The following SCAPER variants were observed in gnomAD, a reference collection of about 807,000 sequenced individuals.
SCAPER encodes the protein S phase cyclin A-associated protein in the endoplasmic reticulum.
A neutral mutation model predicts 182.2 loss-of-function variants in SCAPER; 98 were observed. The observed-to-expected ratio is 0.54, with a 90% CI of 0.46 to 0.64. The LOEUF is 0.64. Ranked by LOEUF, SCAPER falls within the 30% of genes least tolerant of loss-of-function variation. The pLI, the probability that SCAPER is intolerant of heterozygous loss-of-function variation, is 0.00. For missense variants in SCAPER, 1,432 were observed against 1,690.0 expected (o/e 0.85, Z 2.68); for synonymous variants, 605 against 564.6 (o/e 1.07, Z -1.01).
At chr15:76,852,663 C>A (rs2070874641) in intron 4 of SCAPER, among the ~76,000 whole-genome samples, 1 of 152,090 alleles carries the variant, frequency 6.6e-6, no homozygotes, top group Non-Finnish European at 1.5e-5. Flanking sequence ...ATACAACATA[C>A]CAGAATCTCT....
intron 22 of SCAPER, among the ~76,000 whole-genome samples, chr15:76,607,030 T>C (rs975951992): frequency 3.8e-4 from 58 of 151,824 alleles, no homozygotes; most frequent in African/African-American, 1.4e-3. Flanking sequence ...AAAGTTAATA[T>C]TGTTATGTGT....
chr15:76,471,749 G>A (rs1008303917), intron 24 of SCAPER, among the ~76,000 whole-genome samples: 1 of 152,152 alleles, frequency 6.6e-6, no homozygotes, highest in African/African-American at 2.4e-5. Context: ...GATCATGGAA[G>A]AAGAGAGCAC....
chr15:76,630,323 T>C (rs2052988147), intron 21 of SCAPER, among the ~76,000 whole-genome samples: 1 of 152,174 alleles, frequency 6.6e-6, no homozygotes. Flanking sequence ...AGCTTGGTTA[T>C]TTCTTTTCTT....
chr15:76,393,132 T>G (rs1268581264), intron 27 of SCAPER, among the ~76,000 whole-genome samples: 2 of 152,198 alleles, frequency 1.3e-5, no homozygotes, highest in African/African-American at 2.4e-5. Context: ...CTATTAGCAC[T>G]TTGCCATTGT....
chr15:76,494,400 T>A (rs1002127088), intron 24 of SCAPER, among the ~76,000 whole-genome samples: 2 of 152,168 alleles, frequency 1.3e-5, no homozygotes, highest in African/African-American at 4.8e-5. Context: ...GTCTGCTAGG[T>A]GGGAAAAATG....
chr15:76,797,808 G>A (rs1360938152), intron 7 of SCAPER, among the ~76,000 whole-genome samples: 1 of 151,952 alleles, frequency 6.6e-6, no homozygotes, highest in Non-Finnish European at 1.5e-5. Context: ...GTCACAGAAT[G>A]AGTTAAGTGT....
chr15:76,369,423 G>C (rs1410818986), intron 29 of SCAPER, among the ~76,000 whole-genome samples: 1 of 152,186 alleles, frequency 6.6e-6, no homozygotes, highest in African/African-American at 2.4e-5. Flanking sequence ...CTTAAGTATA[G>C]AAGTGAGGTG....
In SCAPER at chr15:76,384,521, C is replaced by T. The variant is rs572264367; in HGVS notation, c.3468-2906G>A. Among the ~76,000 whole-genome samples the T allele has an allele frequency of 2.6e-5, 4 of 152,248 alleles. No individual in the cohort carries two copies. In the East Asian group the frequency reaches 7.7e-4, roughly 29 times the overall value. On this transcript the variant is annotated intron_variant, in intron 27 of 31. Coordinates refer to ENST00000563290, the MANE Select transcript of SCAPER (RefSeq NM_020843.4). ...TCCTGCACCATTATTTAGGAAAACA[C>T]TCATCTGATGGATTATAAAACAATA... is the stretch of plus-strand genomic sequence containing the variant.
At chr15:76,386,888 G>A (rs1170855698) in intron 27 of SCAPER, among the ~76,000 whole-genome samples, 1 of 152,204 alleles carries the variant, frequency 6.6e-6, no homozygotes, top group East Asian at 1.9e-4. Flanking sequence ...GGAAGCCATT[G>A]TAAGGTTTTG....
At chr15:76,545,803 A>C (rs2045229508) in intron 23 of SCAPER, among the ~76,000 whole-genome samples, 1 of 152,188 alleles carries the variant, frequency 6.6e-6, no homozygotes, top group African/African-American at 2.4e-5. Flanking sequence ...AGAATACCAG[A>C]AAAGATGGAG....
intron 25 of SCAPER, among the ~76,000 whole-genome samples, chr15:76,438,520 G>A (rs1225231895): frequency 2.6e-5 from 4 of 152,120 alleles, no homozygotes; most frequent in Non-Finnish European, 5.9e-5. Context: ...TCTCACTGGG[G>A]GCTTTGTGCT....
intron 14 of SCAPER, among the ~76,000 whole-genome samples, chr15:76,756,071 C>T (rs149748479): frequency 4.9e-4 from 75 of 151,952 alleles, no homozygotes; most frequent in African/African-American, 1.7e-3. Context: ...GGTGAAACCT[C>T]GTCTCTACCA....
intron 23 of SCAPER, among the ~76,000 whole-genome samples, chr15:76,564,027 G>A (rs1213873042): frequency 6.6e-6 from 1 of 151,990 alleles, no homozygotes; most frequent in Non-Finnish European, 1.5e-5. Context: ...AAAATAATAA[G>A]AGCCATCTAC....
intron 15 of SCAPER, among the ~76,000 whole-genome samples, chr15:76,735,231 G>A (rs1049252104): frequency 1.3e-5 from 2 of 151,922 alleles, no homozygotes; most frequent in Non-Finnish European, 2.9e-5. Flanking sequence ...TATTTAGCCA[G>A]GTGTGGTGGC....
chr15:76,391,439 G>T (rs531376607), intron 27 of SCAPER, among the ~76,000 whole-genome samples: 1 of 152,268 alleles, frequency 6.6e-6, no homozygotes, highest in African/African-American at 2.4e-5. Flanking sequence ...ACCTTGACAA[G>T]GTCTGGGACA....
chr15:76,853,481 AT>A (rs2070996641), intron 4 of SCAPER, among the ~76,000 whole-genome samples: 1 of 152,130 alleles, frequency 6.6e-6, no homozygotes, highest in African/African-American at 2.4e-5. Context: ...AGTAGGCTTC[AT>A]CCCCGGGATG....
At chr15:76,554,496 A>G (rs2046033064) in intron 23 of SCAPER, among the ~76,000 whole-genome samples, 1 of 152,224 alleles carries the variant, frequency 6.6e-6, no homozygotes, top group South Asian at 2.1e-4. Flanking sequence ...ACTGTGAGAC[A>G]GTATACAAGA....
At chr15:76,730,343 G>C (rs1169543159) in intron 16 of SCAPER, among the ~76,000 whole-genome samples, 1 of 151,888 alleles carries the variant, frequency 6.6e-6, no homozygotes, top group African/African-American at 2.4e-5. Flanking sequence ...GAATTGGAGG[G>C]AATGCCCTTA....
intron 30 of SCAPER, among the ~76,000 whole-genome samples, chr15:76,351,600 T>A (rs1195352123): frequency 3.9e-5 from 6 of 152,224 alleles, no homozygotes; most frequent in African/African-American, 7.2e-5. Context: ...ATCATTTTTT[T>A]AAAAAGTACA....
Sources: gnomAD v4.1 joint callset for allele counts (sites outside exome capture counted in the v4.1 genomes callset) on GRCh38, gnomAD v4.1.1 for gene constraint, MANE v1.5 for transcripts, NCBI Gene and HGNC (gene_info 2026-07-23, HGNC 2026-07-21) for gene names.